The following CCDC186 variants were observed in gnomAD, a reference collection of about 807,000 sequenced individuals.
CCDC186 encodes coiled-coil domain-containing protein 186.
In CCDC186, 49 loss-of-function variants were observed where a neutral mutation model predicts 113.7. The ratio of observed to expected loss-of-function variants is 0.43; its 90% CI spans 0.34 to 0.55. CCDC186 has a LOEUF of 0.55. Among genes scored for constraint, CCDC186 ranks in the 20% least tolerant of loss-of-function variants. The pLI is 0.02. For synonymous variants in CCDC186, 355 were observed against 345.8 expected, an observed-to-expected ratio of 1.03 and a Z score of -0.30; for missense variants, 890 against 1,011.1, an observed-to-expected ratio of 0.88 and a Z score of 1.62.
rs2031253437 is a variant in CCDC186 at position 114,136,143 on chromosome 10, C to T, written c.1425+5G>A. ...TTAGGATATATAAAGAGCAAAACTA[C>T]TCACCTCTAGCTGGTCAGATTTTTC... On this transcript the variant is annotated splice_donor_5th_base_variant and intron_variant, in intron 8 of 15. Transcript: ENST00000369287. 15 of 1,608,122 alleles carry T rather than the reference C, an allele frequency of 9.3e-6. No individual in the cohort carries two copies. Among genetic ancestry groups the T allele is most frequent in the Non-Finnish European group, 1.3e-5 (15 of 1,175,462 alleles).
At chr10:114,167,678 A>G (rs1028379070) in intron 1 of CCDC186, among the ~76,000 whole-genome samples, 45 of 151,890 alleles carry the variant, frequency 3.0e-4, no homozygotes, top group African/African-American at 1.1e-3. Context: ...TAATTTAAGA[A>G]GTGCTGATAC....
chr10:114,161,847 T>C (rs141630237), intron 2 of CCDC186: 2 of 152,140 alleles, frequency 1.3e-5, no homozygotes, highest in Non-Finnish European at 2.9e-5. Context: ...TGCAATATTA[T>C]TGAGCCTTAA....
intron 2 of CCDC186, among the ~76,000 whole-genome samples, chr10:114,158,533 A>G (rs983933731): frequency 2.0e-5 from 3 of 151,840 alleles, no homozygotes; most frequent in Admixed American, 2.0e-4. Flanking sequence ...CTATGAAATT[A>G]TTATCATTAC....
intron 1 of CCDC186, among the ~76,000 whole-genome samples, chr10:114,172,747 G>T (rs2032536666): frequency 6.6e-6 from 1 of 152,090 alleles, no homozygotes; most frequent in Non-Finnish European, 1.5e-5. Flanking sequence ...GAAAAGACCA[G>T]AAATAAAAGA....
chr10:114,153,136 C>T (rs899770212), intron 3 of CCDC186, among the ~76,000 whole-genome samples: 1 of 152,194 alleles, frequency 6.6e-6, no homozygotes, highest in Non-Finnish European at 1.5e-5. Context: ...CTATACAACA[C>T]TCCACCCAGG....
rs900007330 is a variant in CCDC186, at chr10:114,122,908, C to A, written c.*2235G>T. 1 of 152,098 alleles carries A rather than the reference C, an allele frequency of 6.6e-6. No homozygotes were observed. The highest frequency in any genetic ancestry group is 1.5e-5 in the Non-Finnish European group (1 of 68,008). 9.4% of individuals were successfully genotyped at this position (152,098 alleles called of 1,614,324 possible). ...TGTAATACTTTTCTTCTAAAATTTT[C>A]TCATTAAACTTCTCCAAGTAGATGG... On this transcript the variant is annotated 3_prime_UTR_variant, in exon 16 of 16. Transcript: ENST00000369287.
At position 114,126,510 on chromosome 10, in the gene CCDC186, C is replaced by T. The variant is rs186431076; in HGVS notation, c.2394-405G>A. On this transcript the variant is annotated intron_variant, in intron 14 of 15. Coordinates refer to ENST00000369287, the MANE Select transcript of CCDC186 (RefSeq NM_018017.4). ...CAGCTAGGACCACAGACATGTACCA[C>T]CATGCCTGAATAATTTTTTTTTTGA... Among the ~76,000 whole-genome samples the T allele has an allele frequency of 1.5e-3, 222 of 152,176 alleles. No homozygotes were observed. In the Middle Eastern group the frequency reaches 0.017, roughly 12 times the overall value.
chr10:114,172,151 G>C (rs2032511167), intron 1 of CCDC186, among the ~76,000 whole-genome samples: 1 of 152,142 alleles, frequency 6.6e-6, no homozygotes, highest in Non-Finnish European at 1.5e-5. Context: ...AAAAATTTCA[G>C]GGTAAGGATT....
Position 114,131,271 on chromosome 10 carries a change from G to C in CCDC186, c.1977C>G (p.Leu659=). The change falls in exon 12 of 16, where the codon CTC becomes CTG. Residue 659 remains leucine, a synonymous_variant. Transcript: ENST00000369287. The stretch of plus-strand genomic sequence containing the variant: ...CTTTAACTTCTGTTTGTCTACAAGC[G>C]AGTTCAGCTTGCAGAGTTTGGACTT... The part of the protein sequence containing the change: ...KEEVQTLQAE[L]ACRQTEVKAL... The C allele has an allele frequency of 1.2e-6, 2 of 1,602,542 alleles. No homozygotes were observed. Among genetic ancestry groups the C allele is most frequent in the Non-Finnish European group, 1.7e-6 (2 of 1,175,138 alleles).
intron 7 of CCDC186, 91 bp downstream of exon 7, chr10:114,137,095 C>G: frequency 1.1e-6 from 1 of 926,012 alleles, no homozygotes; most frequent in Non-Finnish European, 1.6e-6. Flanking sequence ...CCAGCCCGGG[C>G]GACAGAGCGA....
intron 3 of CCDC186, 27 bp downstream of exon 3, chr10:114,157,527 G>A (rs762349201): frequency 6.4e-7 from 1 of 1,571,672 alleles, no homozygotes; most frequent in Non-Finnish European, 8.6e-7. Flanking sequence ...TTGAAGTATA[G>A]TCTTCGAAGA....
intron 1 of CCDC186, 66 bp from the exon 2 acceptor site, chr10:114,163,395 A>G: frequency 7.8e-7 from 1 of 1,285,044 alleles, no homozygotes; most frequent in Non-Finnish European, 1.1e-6. Context: ...ACTTGCACAC[A>G]CTCTGTGATG....
chr10:114,134,156 C>A (rs2031183061), intron 10 of CCDC186, among the ~76,000 whole-genome samples: 1 of 152,126 alleles, frequency 6.6e-6, no homozygotes, highest in Non-Finnish European at 1.5e-5. Context: ...GATGGCAAAA[C>A]GTTGAGACAA....
intron 13 of CCDC186, among the ~76,000 whole-genome samples, chr10:114,128,899 AAAAGAG>A (rs1205635193): frequency 6.6e-6 from 1 of 152,244 alleles, no homozygotes; most frequent in Admixed American, 6.5e-5. Context: ...TGTTAAAAGA[AAAAGAG>A]AGAGACCACT....
chr10:114,127,140 A>T (rs991024660), intron 14 of CCDC186, among the ~76,000 whole-genome samples: 1 of 152,232 alleles, frequency 6.6e-6, no homozygotes, highest in Non-Finnish European at 1.5e-5. Context: ...ACAACCCCAT[A>T]TATACCTCTT....
intron 3 of CCDC186, among the ~76,000 whole-genome samples, chr10:114,152,941 G>A (rs2031899050): frequency 1.3e-5 from 2 of 152,184 alleles, no homozygotes; most frequent in Admixed American, 6.5e-5. Flanking sequence ...ACAGATAAAT[G>A]TATATGCATC....
intron 1 of CCDC186, among the ~76,000 whole-genome samples, chr10:114,169,929 A>G (rs2032444619): frequency 6.6e-6 from 1 of 152,114 alleles, no homozygotes; most frequent in Non-Finnish European, 1.5e-5. Context: ...ACAGGGTCTC[A>G]TTCTGTCATT....
At chr10:114,171,505 C>A (rs979097981) in intron 1 of CCDC186, among the ~76,000 whole-genome samples, 2 of 152,122 alleles carry the variant, frequency 1.3e-5, no homozygotes, top group Non-Finnish European at 2.9e-5. Flanking sequence ...GAATTATGAT[C>A]ATACCACTAT....
At chr10:114,149,830 A>AGGC (rs1564913038) in intron 4 of CCDC186, among the ~76,000 whole-genome samples, 26 of 109,874 alleles carry the variant, frequency 2.4e-4, no homozygotes, top group African/African-American at 8.5e-4. Flanking sequence ...GGAAGGCAGG[A>AGGC]AGGCAGGAAG....
Sources: gnomAD v4.1 joint callset for allele counts (sites outside exome capture counted in the v4.1 genomes callset) on GRCh38, gnomAD v4.1.1 for gene constraint, MANE v1.5 for transcripts, NCBI Gene and HGNC (gene_info 2026-07-23, HGNC 2026-07-21) for gene names.